FSIP2: variants seen among roughly 807,000 people sequenced by gnomAD.
FSIP2 encodes fibrous sheath-interacting protein 2.
FSIP2 carries 367 observed loss-of-function variants against 510.5 expected under a neutral mutation model. The observed-to-expected ratio is 0.72, with a 90% CI of 0.66 to 0.78. The LOEUF is 0.78. Among genes scored for constraint, FSIP2 ranks in the 30% least tolerant of loss-of-function variants. The pLI, the probability that FSIP2 is intolerant of heterozygous loss-of-function variation, is 0.00. For missense variants in FSIP2, 7,594 were observed against 7,901.7 expected (o/e 0.96, Z 1.48); for synonymous variants, 2,601 against 2,732.2 (o/e 0.95, Z 1.50).
chr2:185,793,576 T>C lies in FSIP2; in HGVS notation c.6440T>C (p.Val2147Ala), dbSNP rs1693191140. The C allele has an allele frequency of 6.5e-7, 1 of 1,534,144 alleles. No homozygotes were observed. The highest frequency in any genetic ancestry group is 1.4e-5 in the African/African-American group (1 of 72,872). ...GANKIIPKLSVPKSDVILISN... is the reference protein window; with the variant it reads ...GANKIIPKLSAPKSDVILISN... ...AATAAGATTATTCCTAAGCTTTCAG[T>C]TCCTAAATCAGATGTCATTTTGATA... The change falls in exon 16 of 23, where the codon GTT (valine) becomes GCT (alanine). Residue 2147 changes from valine (V) to alanine (A), a missense_variant. Transcript: ENST00000424728.
In FSIP2 at chr2:185,790,683, A is replaced by C; in HGVS notation, c.3547A>C (p.Asn1183His). ...GTTAAACATACTTCATAAGGCATCA[A>C]ACTACATTTCCAATACCACTAAAAG... ...SVLNILHKAS[N>H]YISNTTKSSI... Residue 1183 changes from asparagine (N) to histidine (H), a missense_variant, in exon 16 of 23, where the codon AAC (asparagine) becomes CAC (histidine). Coordinates refer to ENST00000424728, the MANE Select transcript of FSIP2 (RefSeq NM_173651.4). The C allele has an allele frequency of 6.5e-7, 1 of 1,534,112 alleles. No homozygotes were observed. The highest frequency in any genetic ancestry group is 8.7e-7 in the Non-Finnish European group (1 of 1,145,458).
In FSIP2 at chr2:185,808,743, C is replaced by T. The variant is rs1437763995; in HGVS notation, c.19437C>T (p.Leu6479=). The T allele has an allele frequency of 6.2e-7, 1 of 1,612,692 alleles. No homozygotes were observed. Among genetic ancestry groups the T allele is most frequent in the South Asian group, 1.1e-5 (1 of 90,940 alleles). ...TINSTISNAD[L]SGELDVNRIV... ...ACTCAACAATTTCAAATGCTGATCT[C>T]TCTGGAGAGCTAGACGTTAATAGAA... is the stretch of plus-strand genomic sequence containing the variant. Residue 6479 remains leucine (L), a synonymous_variant, in exon 17 of 23, where the codon CTC becomes CTT. Transcript: ENST00000424728.
At position 185,791,838 on chromosome 2, in the gene FSIP2, C is replaced by T; in HGVS notation, c.4702C>T (p.Pro1568Ser). The T allele has an allele frequency of 1.3e-6, 2 of 1,533,634 alleles. No individual in the cohort carries two copies. Among genetic ancestry groups the T allele is most frequent in the Non-Finnish European group, 1.7e-6 (2 of 1,145,404 alleles). ...TGTTGCTCCTGTGTCTTCCAAAACACCAAGCACAAAAGAAATGCATCCAAA... is the reference window on the plus strand; with the variant it reads ...TGTTGCTCCTGTGTCTTCCAAAACATCAAGCACAAAAGAAATGCATCCAAA... Reference protein sequence around the residue: ...KPVAPVSSKTPSTKEMHPNKL... With the variant: ...KPVAPVSSKTSSTKEMHPNKL... The change falls in exon 16 of 23, where the codon CCA becomes TCA. Residue 1568 changes from proline to serine, a missense_variant. Physicochemically the swap from Pro to Ser is moderately conservative, Grantham distance 74 (BLOSUM62 -1). Transcript: ENST00000424728.
chr2:185,738,801 G>A (rs1415499678), upstream of FSIP2: 4 of 1,535,956 alleles, frequency 2.6e-6, no homozygotes, highest in Non-Finnish European at 3.5e-6. Context: ...TTGGGCTCTG[G>A]CCATTCCTGG....
At chr2:185,737,333 C>T (rs191892031), upstream of FSIP2, among the ~76,000 whole-genome samples, 101 of 152,180 alleles carry the variant, frequency 6.6e-4, no homozygotes, top group African/African-American at 1.8e-3. Context: ...GCGCTGAGGG[C>T]AGTTGGGAGT....
Position 185,792,187 on chromosome 2 carries a change from A to G in FSIP2, c.5051A>G (p.Lys1684Arg). Residue 1684 changes from lysine to arginine, a missense_variant, in exon 16 of 23, where the codon AAG becomes AGG. Coordinates refer to ENST00000424728, the MANE Select transcript of FSIP2 (RefSeq NM_173651.4). ...PETQILKYVV[K>R]LILDAVSSDM... ...ACTCAAATACTTAAGTATGTAGTCA[A>G]GTTAATTTTAGATGCAGTATCTTCC... The G allele has an allele frequency of 2.0e-6, 3 of 1,531,988 alleles. No homozygotes were observed. The highest frequency in any genetic ancestry group is 1.7e-6 in the Non-Finnish European group (2 of 1,144,634). 94.9% of individuals were successfully genotyped at this position (1,531,988 alleles called of 1,614,324 possible).
intron 13 of FSIP2, among the ~76,000 whole-genome samples, chr2:185,766,725 G>T: frequency 6.7e-6 from 1 of 149,974 alleles, no homozygotes; most frequent in East Asian, 2.0e-4. Context: ...TGGTGGGACT[G>T]TAAACTAGTT....
intron 8 of FSIP2, 72 bp downstream of exon 8, chr2:185,753,914 ATACTCT>A: frequency 9.6e-7 from 1 of 1,042,518 alleles, no homozygotes; most frequent in Non-Finnish European, 1.3e-6. Context: ...TCCTTGTGTA[ATACTCT>A]GTGTATTTAC....
At chr2:185,756,483 G>A (rs887028543) in intron 9 of FSIP2, among the ~76,000 whole-genome samples, 8 of 151,262 alleles carry the variant, frequency 5.3e-5, no homozygotes, top group African/African-American at 1.9e-4. Context: ...TTACTGTTTT[G>A]AACCTGACAT....
At chr2:185,753,923 G>A in intron 8 of FSIP2, 81 bp downstream of exon 8, 4 of 916,766 alleles carry the variant, frequency 4.4e-6, no homozygotes, top group Non-Finnish European at 6.0e-6. Context: ...AATACTCTGT[G>A]TATTTACACT....
intron 6 of FSIP2, 139 bp from the exon 7 acceptor site, chr2:185,747,174 C>T (rs1025817721): frequency 3.4e-5 from 19 of 558,116 alleles, no homozygotes; most frequent in African/African-American, 1.7e-4. Context: ...TATTCTAAAC[C>T]GAACGTATGC....
In FSIP2 at chr2:185,795,317, CA is replaced by C; in HGVS notation, c.8182del (p.Thr2728GlnfsTer8). The part of the protein sequence containing the change: ...SAGDAKNLLD[T>X]KLPTSELKIY... ...CTGGAGATGCCAAAAATTTACTGGACACAAAATTGCCCACTTCAGAACTAAA... is the reference window on the plus strand; with the variant it reads ...CTGGAGATGCCAAAAATTTACTGGACCAAAATTGCCCACTTCAGAACTAAA... On this transcript the variant is annotated frameshift_variant, in exon 16 of 23. Transcript: ENST00000424728. LOFTEE classifies it high-confidence loss of function. 6.5e-7 allele frequency: 1 copy of C among 1,534,876 alleles called. No homozygotes were observed.
Position 185,801,052 on chromosome 2 carries a change from C to T in FSIP2, c.11746C>T (p.Leu3916=). 1 of 1,532,376 alleles carries T rather than the reference C, an allele frequency of 6.5e-7. No individual in the cohort carries two copies. Among genetic ancestry groups the T allele is most frequent in the Non-Finnish European group, 8.7e-7 (1 of 1,144,618 alleles). The allele number at this position is 1,532,376 out of a possible 1,614,324, so 94.9% of individuals were successfully genotyped here. The change falls in exon 17 of 23, where the codon CTG becomes TTG. Residue 3916 remains leucine, a synonymous_variant. Coordinates refer to ENST00000424728, the MANE Select transcript of FSIP2 (RefSeq NM_173651.4). ...SYDSNSLTVS[L]NNPSVVSSKI... Reference sequence around the variant, plus strand: ...TGATAGTAATTCTTTGACAGTATCCCTGAATAATCCCAGTGTGGTTAGCTC... The same window carrying T: ...TGATAGTAATTCTTTGACAGTATCCTTGAATAATCCCAGTGTGGTTAGCTC...
At chr2:185,763,585 C>T (rs1692398474) in intron 12 of FSIP2, among the ~76,000 whole-genome samples, 1 of 151,504 alleles carries the variant, frequency 6.6e-6, no homozygotes, top group Admixed American at 6.6e-5. Flanking sequence ...GATCAGTTAC[C>T]TGCTGTTCGA....
chr2:185,749,817 T>C (rs535637313), intron 7 of FSIP2, among the ~76,000 whole-genome samples: 1 of 151,926 alleles, frequency 6.6e-6, no homozygotes, highest in African/African-American at 2.4e-5. Context: ...GTGTCATTCA[T>C]TGGGATGAGG....
intron 19 of FSIP2, among the ~76,000 whole-genome samples, chr2:185,816,736 G>T (rs1693832532): frequency 6.6e-6 from 1 of 151,708 alleles, no homozygotes; most frequent in Non-Finnish European, 1.5e-5. Flanking sequence ...TGTGCACCTA[G>T]TCCTAGCTAC....
rs1479952494 is a variant in FSIP2, at chr2:185,794,611, A to C, written c.7475A>C (p.Asn2492Thr). The C allele has an allele frequency of 6.5e-7, 1 of 1,532,178 alleles. No homozygotes were observed. The highest frequency in any genetic ancestry group is 8.7e-7 in the Non-Finnish European group (1 of 1,145,120). 94.9% of individuals were successfully genotyped at this position (1,532,178 alleles called of 1,614,324 possible). A position where few individuals can be genotyped will look rare whatever the true frequency, so the allele number is the denominator to read the frequency against. Residue 2492 changes from asparagine to threonine, a missense_variant, in exon 16 of 23, where the codon AAT becomes ACT. Physicochemically the swap from Asn to Thr is moderately conservative, Grantham distance 65 (BLOSUM62 0). Transcript: ENST00000424728. ...CTCATTGCAGTGGAAGAACTTTTGA[A>C]TAAGTTGTATCAAAGAGTAAGGGAA... ...ELLIAVEELL[N>T]KLYQRVREVT...
chr2:185,764,219 A>C (rs1692414234), intron 12 of FSIP2, among the ~76,000 whole-genome samples: 1 of 151,736 alleles, frequency 6.6e-6, no homozygotes, highest in Non-Finnish European at 1.5e-5. Flanking sequence ...TAGATGTGTT[A>C]GATGAAAGTA....
At position 185,788,860 on chromosome 2, in the gene FSIP2, C is replaced by T. The variant is rs971923789; in HGVS notation, c.1724C>T (p.Thr575Ile). The T allele has an allele frequency of 5.9e-6, 9 of 1,534,696 alleles. No individual in the cohort carries two copies. The East Asian group carries it at 2.0e-4, about 33-fold the overall frequency. Reference protein sequence around the residue: ...DFTYRSYTSATTKTFQAEPCA... With the variant: ...DFTYRSYTSAITKTFQAEPCA... ...ACATATAGAAGCTACACATCTGCAA[C>T]AACTAAAACATTTCAGGCAGAACCC... Residue 575 changes from threonine (T) to isoleucine (I), a missense_variant, in exon 16 of 23, where the codon ACA (threonine) becomes ATA (isoleucine). Coordinates refer to ENST00000424728, the MANE Select transcript of FSIP2 (RefSeq NM_173651.4).
Sources: gnomAD v4.1 joint callset for allele counts (sites outside exome capture counted in the v4.1 genomes callset) on GRCh38, gnomAD v4.1.1 for gene constraint, MANE v1.5 for transcripts, NCBI Gene and HGNC (gene_info 2026-07-23, HGNC 2026-07-21) for gene names.